TRIP10: variants seen among roughly 807,000 people sequenced by gnomAD.
The protein encoded by TRIP10 is thyroid hormone receptor interactor 10, also known as cdc42-interacting protein 4.
Under a neutral mutation model 80.9 loss-of-function variants are expected in TRIP10, and 54 were observed. That is an observed-to-expected ratio of 0.67 (90% confidence interval 0.54 to 0.84). The LOEUF (loss-of-function observed/expected upper bound fraction) is 0.84. Ranked by LOEUF, TRIP10 falls within the 40% of genes least tolerant of loss-of-function variation. TRIP10 has a pLI of 0.00. For missense variants in TRIP10, 773 were observed against 815.3 expected (o/e 0.95, Z 0.63); for synonymous variants, 321 against 307.2 (o/e 1.04, Z -0.47).
rs990146727 is a variant in TRIP10, at chr19:6,745,741, G to A, written c.985-288G>A. On this transcript the variant is annotated intron_variant, in intron 9 of 14. Coordinates refer to ENST00000313244, the MANE Select transcript of TRIP10 (RefSeq NM_001288962.2). The surrounding 1 kb of genome is among the most constrained non-coding windows in gnomAD (Gnocchi z 7.2). The stretch of plus-strand genomic sequence containing the variant: ...ATTCCAGAGACCTAGGAGATACCGG[G>A]GGAGTGAGAGTTCTGGCTTTCGGGC... 6 of 985,142 alleles carry A rather than the reference G, an allele frequency of 6.1e-6. No homozygotes were observed. The highest frequency in any genetic ancestry group is 7.2e-6 in the Non-Finnish European group (6 of 829,884). 61.0% of individuals were successfully genotyped at this position (985,142 alleles called of 1,614,324 possible).
chr19:6,749,817 C>T (rs1969228312), intron 11 of TRIP10, 117 bp from the exon 12 acceptor site: 2 of 1,444,236 alleles, frequency 1.4e-6, no homozygotes, highest in African/African-American at 1.4e-5. Flanking sequence ...CACCACTGCA[C>T]ACCAGCCTGG....
chr19:6,743,650 G>A (rs1317996931), intron 6 of TRIP10, 52 bp downstream of exon 6: 1 of 1,611,556 alleles, frequency 6.2e-7, no homozygotes, highest in East Asian at 2.2e-5. Flanking sequence ...CAAGCTTGGG[G>A]AGTCCGAGTG....
Position 6,745,210 on chromosome 19 carries a change from C to T in TRIP10, c.984+216C>T, listed in dbSNP as rs555767098. On this transcript the variant is annotated intron_variant, in intron 9 of 14. Transcript: ENST00000313244. The surrounding 1 kb of genome is among the most constrained non-coding windows in gnomAD (Gnocchi z 7.2). ...GGCAGGGTGGGGAGGTGGGGAGGTC[C>T]GTGGCGTTTGTCTGCTGCTTCTCGG... The T allele has an allele frequency of 6.9e-5, 43 of 623,308 alleles. No individual in the cohort carries two copies. Among genetic ancestry groups the T allele is most frequent in the Admixed American group, 1.0e-4 (3 of 29,870 alleles). 38.6% of individuals were successfully genotyped at this position (623,308 alleles called of 1,614,324 possible).
chr19:6,751,337 C>A lies in TRIP10; in HGVS notation c.*126C>A, dbSNP rs111592957. ...CTGAGACCTGTGTAACCTGCTGCCC[C>A]CTCCACCCCCAACCCAGTCCTACCT... On this transcript the variant is annotated 3_prime_UTR_variant, in exon 15 of 15. Transcript: ENST00000313244. 3.1e-3 allele frequency: 4,735 copies of A among 1,519,580 alleles called. 13 individuals carry two copies. Among genetic ancestry groups the A allele is most frequent in the Middle Eastern group, 3.3e-3 (18 of 5,388 alleles). The allele number at this position is 1,519,580 out of a possible 1,614,324, so 94.1% of individuals were successfully genotyped here. A position where few individuals can be genotyped will look rare whatever the true frequency, so the allele number is the denominator to read the frequency against.
intron 12 of TRIP10, 72 bp downstream of exon 12, chr19:6,750,138 T>TTGTGA: frequency 2.1e-6 from 1 of 481,576 alleles, no homozygotes; most frequent in Non-Finnish European, 3.7e-6. Context: ...GGGTGGGGGG[T>TTGTGA]CGGGGACAGG....
rs73500346 is a variant in TRIP10, at chr19:6,750,642, G to A, written c.1657+9G>A. The A allele has an allele frequency of 1.4e-3, 2,270 of 1,613,684 alleles. 16 individuals carry two copies. In the African/African-American group the frequency reaches 0.024, roughly 17 times the overall value. On this transcript the variant is annotated intron_variant, in intron 14 of 14. Coordinates refer to ENST00000313244, the MANE Select transcript of TRIP10 (RefSeq NM_001288962.2). Reference sequence around the variant, plus strand: ...CATCTACCACTTTGAAGGTGAGAACGGCCAGAGTGGGCTTGGCGGGGTATG... The same window carrying A: ...CATCTACCACTTTGAAGGTGAGAACAGCCAGAGTGGGCTTGGCGGGGTATG...
At position 6,746,596 on chromosome 19, in the gene TRIP10, A is replaced by C. The variant is rs945937049; in HGVS notation, c.1262+35A>C. 17 of 1,488,456 alleles carry C rather than the reference A, an allele frequency of 1.1e-5. No homozygotes were observed. The highest frequency in any genetic ancestry group is 1.6e-5 in the Non-Finnish European group (17 of 1,067,228). 92.2% of individuals were successfully genotyped at this position (1,488,456 alleles called of 1,614,324 possible). A position where few individuals can be genotyped will look rare whatever the true frequency, so the allele number is the denominator to read the frequency against. ...TGGGGTAGGGAAGGACAGGCAAGGAACATGATAAAATAGTAAATGAACTTC... is the reference window on the plus strand; with the variant it reads ...TGGGGTAGGGAAGGACAGGCAAGGACCATGATAAAATAGTAAATGAACTTC... On this transcript the variant is annotated intron_variant, in intron 11 of 14. Coordinates refer to ENST00000313244, the MANE Select transcript of TRIP10 (RefSeq NM_001288962.2). The surrounding 1 kb of genome is among the most constrained non-coding windows in gnomAD (Gnocchi z 6.2).
At chr19:6,747,813 A>G (rs1410756397) in intron 11 of TRIP10, among the ~76,000 whole-genome samples, 2 of 151,404 alleles carry the variant, frequency 1.3e-5, no homozygotes, top group African/African-American at 2.4e-5. Context: ...AATAATAATA[A>G]TAATACATTA....
chr19:6,745,678 C>T lies in TRIP10; in HGVS notation c.985-351C>T, dbSNP rs1237212456. 4 of 985,204 alleles carry T rather than the reference C, an allele frequency of 4.1e-6. No individual in the cohort carries two copies. The highest frequency in any genetic ancestry group is 6.2e-5 in the Admixed American group (1 of 16,250). 61.0% of individuals were successfully genotyped at this position (985,204 alleles called of 1,614,324 possible). On this transcript the variant is annotated intron_variant, in intron 9 of 14. Transcript: ENST00000313244. This position sits in a 1 kb window ranked among gnomAD's most constrained non-coding sequence, Gnocchi z 7.2. ...TAAGTGGACAGAGAGACATGGGCCT[C>T]CCTGCCTCCTGGACCCATGCTTGCT...
At chr19:6,750,915 G>A (rs1568257522) in intron 14 of TRIP10, 148 bp from the exon 15 acceptor site, 2 of 1,281,102 alleles carry the variant, frequency 1.6e-6, no homozygotes, top group Non-Finnish European at 2.1e-6. Context: ...AGAATCCCTT[G>A]AACCTGGAGG....
intron 5 of TRIP10, 97 bp from the exon 6 acceptor site, chr19:6,743,397 T>TA: frequency 6.5e-7 from 1 of 1,529,588 alleles, no homozygotes; most frequent in Non-Finnish European, 9.0e-7. Context: ...GACCCCTACT[T>TA]ACTGGATGAC....
intron 1 of TRIP10, among the ~76,000 whole-genome samples, chr19:6,740,181 T>G (rs1286935663): frequency 6.6e-6 from 1 of 152,130 alleles, no homozygotes; most frequent in Non-Finnish European, 1.5e-5. Flanking sequence ...CTGGTCACCC[T>G]CATCCCCACC....
At chr19:6,743,662 G>T in intron 6 of TRIP10, 46 bp from the exon 7 acceptor site, 1 of 1,612,218 alleles carries the variant, frequency 6.2e-7, no homozygotes, top group Non-Finnish European at 8.5e-7. Context: ...GTCCGAGTGG[G>T]ACGTGATCGG....
At chr19:6,750,894 G>T in intron 14 of TRIP10, 169 bp from the exon 15 acceptor site, 1 of 1,191,892 alleles carries the variant, frequency 8.4e-7, no homozygotes, top group Non-Finnish European at 1.1e-6. Flanking sequence ...TACTCGGGAG[G>T]CTGAGGCAGG....
chr19:6,751,304 G>T lies in TRIP10; in HGVS notation c.*93G>T. ...CTATGCACTTTATTTCTGACCCCGTGGCTTCGGCTGAGACCTGTGTAACCT... is the reference window on the plus strand; with the variant it reads ...CTATGCACTTTATTTCTGACCCCGTTGCTTCGGCTGAGACCTGTGTAACCT... On this transcript the variant is annotated 3_prime_UTR_variant, in exon 15 of 15. Coordinates refer to ENST00000313244, the MANE Select transcript of TRIP10 (RefSeq NM_001288962.2). The T allele has an allele frequency of 6.3e-7, 1 of 1,589,900 alleles. No homozygotes were observed. The highest frequency in any genetic ancestry group is 8.6e-7 in the Non-Finnish European group (1 of 1,165,704).
In TRIP10 at chr19:6,746,379, TATCTC is replaced by T. The variant is rs1213808350; in HGVS notation, c.1153-71_1153-67del. 15 of 1,580,374 alleles carry T rather than the reference TATCTC, an allele frequency of 9.5e-6. No individual in the cohort carries two copies. The highest frequency in any genetic ancestry group is 1.7e-4 in the Middle Eastern group (1 of 5,934). The stretch of plus-strand genomic sequence containing the variant: ...ACCATGGCTGGGGAAGGGAGTGAAA[TATCTC>T]AGACGGGTGCAGAGTCTGGCAGGCT... On this transcript the variant is annotated intron_variant, in intron 10 of 14. Transcript: ENST00000313244. The surrounding 1 kb of genome is among the most constrained non-coding windows in gnomAD (Gnocchi z 6.2).
chr19:6,743,615 C>CGGGGGGGGGG lies in TRIP10; in HGVS notation c.513+18_513+27dup. 3 of 770,166 alleles carry CGGGGGGGGGG rather than the reference C, an allele frequency of 3.9e-6. No individual in the cohort carries two copies. The highest frequency in any genetic ancestry group is 3.2e-5 in the Admixed American group (1 of 30,964). 47.7% of individuals were successfully genotyped at this position (770,166 alleles called of 1,614,324 possible). A position where few individuals can be genotyped will look rare whatever the true frequency, so the allele number is the denominator to read the frequency against. On this transcript the variant is annotated intron_variant, in intron 6 of 14. Coordinates refer to ENST00000313244, the MANE Select transcript of TRIP10 (RefSeq NM_001288962.2). The stretch of plus-strand genomic sequence containing the variant: ...GTGGAGAAGGTGTGTGTGGCGGGGG[C>CGGGGGGGGGG]GGGGGGGGGGTGCGGGGTCTGGGAC...
chr19:6,748,010 G>C (rs937394333), intron 11 of TRIP10, among the ~76,000 whole-genome samples: 3 of 151,620 alleles, frequency 2.0e-5, no homozygotes, highest in African/African-American at 7.3e-5. Context: ...TCCACCATTG[G>C]TTGGGTTTTA....
At position 6,746,192 on chromosome 19, in the gene TRIP10, G is replaced by A. The variant is rs754293339; in HGVS notation, c.1148G>A (p.Arg383His). The change falls in exon 10 of 15, where the codon CGT (arginine) becomes CAT (histidine). Residue 383 changes from arginine (R) to histidine (H), a missense_variant. Arg to His is a conservative substitution (Grantham distance 29, BLOSUM62 0). Transcript: ENST00000313244. This position sits in a 1 kb window ranked among gnomAD's most constrained non-coding sequence, Gnocchi z 6.2. ...LASFRSLRGS[R>H]GTVVTEDFSH... Reference sequence around the variant, plus strand: ...TCCTTCCGCAGCCTTCGAGGCAGCCGTGGGGTAAGTGAGGCCTCGGGGCAG... The same window carrying A: ...TCCTTCCGCAGCCTTCGAGGCAGCCATGGGGTAAGTGAGGCCTCGGGGCAG... 148 of 1,528,840 alleles carry A rather than the reference G, an allele frequency of 9.7e-5. No homozygotes were observed. Among genetic ancestry groups the A allele is most frequent in the African/African-American group, 2.1e-4 (15 of 72,430 alleles). 94.7% of individuals were successfully genotyped at this position (1,528,840 alleles called of 1,614,324 possible).
Sources: allele counts gnomAD v4.1 joint callset (sites outside exome capture counted in the v4.1 genomes callset), GRCh38; gene constraint gnomAD v4.1.1; non-coding constraint Gnocchi (gnomAD v3.1); transcripts MANE v1.5; gene names NCBI Gene and HGNC (gene_info 2026-07-23, HGNC 2026-07-21).